The following CTNNA3 variants were observed in gnomAD, a reference collection of about 807,000 sequenced individuals.
CTNNA3 encodes catenin alpha 3.
CTNNA3 carries 76 observed loss-of-function variants against 95.7 expected under a neutral mutation model. That is an observed-to-expected ratio of 0.79 (90% CI 0.66 to 0.96). The LOEUF (loss-of-function observed/expected upper bound fraction) is 0.96. Among genes scored for constraint, CTNNA3 ranks in the 40% least tolerant of loss-of-function variants. CTNNA3 has a pLI of 0.00. For synonymous variants in CTNNA3, 431 were observed against 374.4 expected (o/e 1.15, Z -1.74); for missense variants, 1,191 against 1,089.8 (o/e 1.09, Z -1.31).
chr10:67,333,175 G>T (rs1235460688), intron 5 of CTNNA3, among the ~76,000 whole-genome samples: 1 of 152,112 alleles, frequency 6.6e-6, no homozygotes, highest in Non-Finnish European at 1.5e-5. Context: ...TAAAGAAACA[G>T]GAAACAATCA....
chr10:67,468,987 T>C (rs970023187), intron 5 of CTNNA3, among the ~76,000 whole-genome samples: 3 of 152,196 alleles, frequency 2.0e-5, no homozygotes, highest in African/African-American at 7.2e-5. Context: ...TAAGCTTAAG[T>C]TCACTGCTTT....
chr10:66,132,401 AC>A (rs1460868299), intron 13 of CTNNA3, among the ~76,000 whole-genome samples: 2 of 152,170 alleles, frequency 1.3e-5, no homozygotes, highest in Non-Finnish European at 2.9e-5. Context: ...TCAAAAAATA[AC>A]AGGTGCTGGC....
chr10:67,295,409 C>T (rs556580333), intron 5 of CTNNA3, among the ~76,000 whole-genome samples: 1 of 152,052 alleles, frequency 6.6e-6, no homozygotes, highest in South Asian at 2.1e-4. Context: ...AATACAGTCA[C>T]GGGCATGGTA....
At chr10:66,259,452 T>C (rs1052817695) in intron 13 of CTNNA3, among the ~76,000 whole-genome samples, 5 of 151,936 alleles carry the variant, frequency 3.3e-5, no homozygotes, top group African/African-American at 1.2e-4. Flanking sequence ...AGGAAGAAAA[T>C]AAGGAGAGGA....
intron 12 of CTNNA3, among the ~76,000 whole-genome samples, chr10:66,330,371 C>T (rs1162623623): frequency 6.6e-6 from 1 of 152,028 alleles, no homozygotes; most frequent in African/African-American, 2.4e-5. Flanking sequence ...TTTCCAGCTT[C>T]ATCCATGTCC....
chr10:66,551,043 G>C (rs74233456), intron 10 of CTNNA3, among the ~76,000 whole-genome samples: 6 of 127,818 alleles, frequency 4.7e-5, no homozygotes, highest in African/African-American at 1.7e-4. Flanking sequence ...AAAAATAACT[G>C]TTTTCTGCAA....
intron 1 of CTNNA3, among the ~76,000 whole-genome samples, chr10:67,673,080 C>T (rs1840469711): frequency 6.6e-6 from 1 of 151,830 alleles, no homozygotes; most frequent in African/African-American, 2.4e-5. Context: ...CTTCACATCC[C>T]TTGTAAGTTG....
chr10:66,859,731 G>A (rs1302367457), intron 7 of CTNNA3, among the ~76,000 whole-genome samples: 1 of 127,284 alleles, frequency 7.9e-6, no homozygotes. Context: ...GTTTACTGCG[G>A]CACTATTCAC....
At chr10:67,539,263 C>T (rs1479366507) in intron 4 of CTNNA3, among the ~76,000 whole-genome samples, 1 of 151,938 alleles carries the variant, frequency 6.6e-6, no homozygotes, top group Non-Finnish European at 1.5e-5. Context: ...AGAACTTTTC[C>T]TAGCCATTTC....
intron 3 of CTNNA3, 131 bp from the exon 4 acceptor site, chr10:67,539,800 T>A: frequency 1.3e-6 from 1 of 772,464 alleles, no homozygotes; most frequent in Non-Finnish European, 2.0e-6. Context: ...AGTTGACAAT[T>A]TTCTCTCTCA....
intron 7 of CTNNA3, among the ~76,000 whole-genome samples, chr10:67,091,070 T>C (rs1399264969): frequency 6.6e-6 from 1 of 152,060 alleles, no homozygotes; most frequent in Admixed American, 6.6e-5. Flanking sequence ...GACAGCTTTC[T>C]ATTTTGACTC....
intron 10 of CTNNA3, among the ~76,000 whole-genome samples, chr10:66,551,952 G>C (rs1489876502): frequency 1.4e-5 from 2 of 146,608 alleles, no homozygotes; most frequent in South Asian, 2.2e-4. Flanking sequence ...GCCCAGGCTG[G>C]AGTGCAGTGG....
chr10:66,263,033 A>G (rs747877025), intron 13 of CTNNA3, among the ~76,000 whole-genome samples: 3 of 151,998 alleles, frequency 2.0e-5, no homozygotes, highest in African/African-American at 4.8e-5. Context: ...ATTTGAAACT[A>G]TTATTCTCAT....
chr10:66,780,673 G>T (rs965511346), intron 7 of CTNNA3, among the ~76,000 whole-genome samples: 2 of 152,122 alleles, frequency 1.3e-5, no homozygotes, highest in African/African-American at 4.8e-5. Context: ...TCACTAGATG[G>T]TATGATCCTT....
chr10:66,518,048 A>G (rs1840925445), intron 11 of CTNNA3, among the ~76,000 whole-genome samples: 1 of 152,178 alleles, frequency 6.6e-6, no homozygotes, highest in Non-Finnish European at 1.5e-5. Context: ...TGCTAGGGCT[A>G]GTAACCCTAA....
At chr10:67,254,544 T>C (rs1013858811) in intron 5 of CTNNA3, among the ~76,000 whole-genome samples, 1 of 152,210 alleles carries the variant, frequency 6.6e-6, no homozygotes, top group African/African-American at 2.4e-5. Flanking sequence ...CTGAGCCCAA[T>C]GTAATGCTAC....
At chr10:66,812,135 T>C (rs552861353) in intron 7 of CTNNA3, among the ~76,000 whole-genome samples, 5 of 152,154 alleles carry the variant, frequency 3.3e-5, no homozygotes, top group East Asian at 3.9e-4. Context: ...CTTACTAAAA[T>C]AAAACAAGTA....
chr10:67,554,701 C>T (rs12354930), intron 3 of CTNNA3, among the ~76,000 whole-genome samples: 3 of 151,820 alleles, frequency 2.0e-5, no homozygotes, highest in East Asian at 1.9e-4. Context: ...CCATTCTATA[C>T]GTTGCCTGTT....
chr10:66,660,876 A>G (rs1046415222), intron 9 of CTNNA3, among the ~76,000 whole-genome samples: 28 of 152,076 alleles, frequency 1.8e-4, no homozygotes, highest in African/African-American at 6.8e-4. Context: ...ACTTTTGCCT[A>G]TTGAAATGTG....
Sources: gnomAD v4.1 joint callset for allele counts (sites outside exome capture counted in the v4.1 genomes callset) on GRCh38, gnomAD v4.1.1 for gene constraint, MANE v1.5 for transcripts, NCBI Gene and HGNC (gene_info 2026-07-23, HGNC 2026-07-21) for gene names.